IRAG2: variants seen among roughly 807,000 people sequenced by gnomAD.
IRAG2 encodes the protein inositol 1,4,5-triphosphate receptor associated 2, also known as lymphoid restricted membrane protein.
In IRAG2, 45 loss-of-function variants were observed where a neutral mutation model predicts 69.9. The ratio of observed to expected loss-of-function variants is 0.64; its 90% confidence interval spans 0.51 to 0.83. The LOEUF is 0.83. Among genes scored for constraint, IRAG2 ranks in the 40% least tolerant of loss-of-function variants. The probability of loss-of-function intolerance (pLI) is 0.00; values close to 1 mark genes in which losing one functional copy is unlikely to be tolerated. For missense variants in IRAG2, 520 were observed against 587.0 expected (o/e 0.89, Z 1.18); for synonymous variants, 193 against 202.4 (o/e 0.95, Z 0.40).
In IRAG2 at chr12:25,014,995, C is replaced by T. The variant is rs187015534; in HGVS notation, c.897-187C>T. On this transcript the variant is annotated intron_variant, in intron 3 of 38. Transcript: ENST00000636465. ...ATTTTCTATCACTCTAAGTACCTAG[C>T]ATAGTATTGAGCTCCAAATAGTTGT... is the stretch of plus-strand genomic sequence containing the variant. 2.3e-3 allele frequency among the ~76,000 whole-genome samples: 328 copies of T among 142,966 alleles called. 1 individual carries two copies. Among genetic ancestry groups the T allele is most frequent in the African/African-American group, 7.9e-3 (307 of 39,070 alleles). The allele number at this position is 142,966 out of a possible 152,430, so 93.8% of individuals were successfully genotyped here. A position where few individuals can be genotyped will look rare whatever the true frequency, so the allele number is the denominator to read the frequency against.
intron 4 of IRAG2, among the ~76,000 whole-genome samples, chr12:25,064,351 C>CA (rs1945832088): frequency 6.6e-6 from 1 of 152,136 alleles, no homozygotes; most frequent in Admixed American, 6.5e-5. Context: ...AAGTAAGAAT[C>CA]AAAAGCCTTA....
intron 6 of IRAG2, among the ~76,000 whole-genome samples, chr12:25,020,460 T>G (rs1053906382): frequency 4.6e-5 from 7 of 152,190 alleles, no homozygotes; most frequent in Non-Finnish European, 2.9e-5. Context: ...TTTGTGGAAC[T>G]GCATTAACTA....
intron 6 of IRAG2, among the ~76,000 whole-genome samples, chr12:25,069,827 G>T (rs898650015): frequency 6.6e-6 from 1 of 152,292 alleles, no homozygotes; most frequent in East Asian, 1.9e-4. Flanking sequence ...TGAGGGGCTG[G>T]TACCCTTTGT....
intron 15 of IRAG2, among the ~76,000 whole-genome samples, chr12:25,099,635 T>C (rs2352785): frequency 1.3e-5 from 2 of 152,300 alleles, no homozygotes; most frequent in South Asian, 4.1e-4. Context: ...AATTAGATTG[T>C]GTTACTTTTT....
At chr12:25,031,631 G>A (rs1944668051) in intron 10 of IRAG2, among the ~76,000 whole-genome samples, 1 of 151,968 alleles carries the variant, frequency 6.6e-6, no homozygotes, top group Admixed American at 6.6e-5. Context: ...GTTACATATT[G>A]CTCCCTTTTT....
intron 15 of IRAG2, among the ~76,000 whole-genome samples, chr12:25,100,000 G>GTAAAAAAAAAA (rs1948655279): frequency 3.9e-5 from 1 of 25,680 alleles, no homozygotes; most frequent in Non-Finnish European, 5.7e-5. Flanking sequence ...GACTCCATCT[G>GTAAAAAAAAAA]AAAAAAAAAA....
At chr12:25,030,217 G>T in intron 9 of IRAG2, 1 of 1,059,512 alleles carries the variant, frequency 9.4e-7, no homozygotes, top group South Asian at 4.8e-5. Context: ...ATGATTTTAT[G>T]GCACTGTCCT....
chr12:25,071,878 C>T (rs1227560460), intron 6 of IRAG2, among the ~76,000 whole-genome samples: 4 of 151,076 alleles, frequency 2.6e-5, no homozygotes, highest in South Asian at 4.2e-4. Context: ...TATGTGACTG[C>T]GTGGTTTTGT....
At chr12:25,011,596 C>A (rs935161831) in intron 3 of IRAG2, 94 of 1,135,190 alleles carry the variant, frequency 8.3e-5, no homozygotes, top group Non-Finnish European at 9.9e-5. Flanking sequence ...TCTATTTTAA[C>A]AACTGATTAT....
intron 14 of IRAG2, among the ~76,000 whole-genome samples, chr12:25,094,687 T>A (rs950415956): frequency 2.0e-5 from 3 of 151,644 alleles, no homozygotes; most frequent in Non-Finnish European, 2.9e-5. Context: ...CAAAATCAGG[T>A]CTACCAACCC....
rs1240222939 is a variant in IRAG2, at chr12:25,089,670, A to T, written c.430A>T (p.Ser144Cys). Residue 144 changes from serine (S) to cysteine (C), a missense_variant, in exon 12 of 22, where the codon AGT (serine) becomes TGT (cysteine). Transcript: ENST00000556887. Reference protein sequence around the residue: ...TTVKSVNLRQSENTSANEKEV... With the variant: ...TTVKSVNLRQCENTSANEKEV... The stretch of plus-strand genomic sequence containing the variant: ...TGTGAAATCGGTTAACCTTAGACAA[A>T]GTGAGAAGTAAGTGCTTCTTCATGT... 1.2e-6 allele frequency: 2 copies of T among 1,607,320 alleles called. No homozygotes were observed. The highest frequency in any genetic ancestry group is 2.2e-5 in the South Asian group (2 of 90,886).
chr12:25,089,527 T>C, intron 11 of IRAG2, 87 bp from the exon 12 acceptor site: 1 of 713,984 alleles, frequency 1.4e-6, no homozygotes, highest in Non-Finnish European at 2.3e-6. Flanking sequence ...GAAATACTTT[T>C]GTTTAGTGGA....
chr12:25,052,253 CATTAA>C, upstream of IRAG2: 1 of 377,422 alleles, frequency 2.6e-6, no homozygotes, highest in Non-Finnish European at 4.6e-6. Flanking sequence ...AACTAGAAGC[CATTAA>C]ACAACTACAG....
At chr12:25,022,753 T>G (rs1283662464) in intron 7 of IRAG2, among the ~76,000 whole-genome samples, 1 of 152,246 alleles carries the variant, frequency 6.6e-6, no homozygotes, top group Non-Finnish European at 1.5e-5. Flanking sequence ...TTAACCATTC[T>G]ATGGTATATA....
At chr12:25,057,956 C>G (rs1348515802) in intron 1 of IRAG2, among the ~76,000 whole-genome samples, 1 of 152,032 alleles carries the variant, frequency 6.6e-6, no homozygotes, top group East Asian at 1.9e-4. Context: ...GTTGTATTTC[C>G]TTGTATGAAT....
intron 4 of IRAG2, among the ~76,000 whole-genome samples, chr12:25,065,099 AAAG>A (rs1047981216): frequency 3.3e-5 from 5 of 151,920 alleles, no homozygotes; most frequent in Non-Finnish European, 5.9e-5. Flanking sequence ...CAAAAAAAAA[AAAG>A]AGAGAGAGAA....
Position 25,069,598 on chromosome 12 carries a change from C to T in IRAG2, c.24+167C>T, listed in dbSNP as rs188615861. 5.9e-3 allele frequency among the ~76,000 whole-genome samples: 895 copies of T among 152,250 alleles called. 6 individuals are homozygous for T. Among genetic ancestry groups the T allele is most frequent in the Non-Finnish European group, 0.01 (687 of 68,018 alleles). ...AACTCAGATGCATGAGAAATAGCAACCTTTGAAGTCAAGAAATTAAAATTA... is the reference window on the plus strand; with the variant it reads ...AACTCAGATGCATGAGAAATAGCAATCTTTGAAGTCAAGAAATTAAAATTA... On this transcript the variant is annotated intron_variant, in intron 6 of 21. Coordinates refer to ENST00000556887, the MANE Select transcript of IRAG2 (RefSeq NM_001366544.2).
intron 10 of IRAG2, 94 bp downstream of exon 10, chr12:25,083,587 T>G: frequency 1.4e-6 from 1 of 725,130 alleles, no homozygotes; most frequent in Admixed American, 2.9e-5. Context: ...ATTATCTCAT[T>G]TATCCTTTCA....
chr12:25,045,891 T>C (rs1044301776), intron 16 of IRAG2, among the ~76,000 whole-genome samples: 3 of 147,918 alleles, frequency 2.0e-5, no homozygotes, highest in African/African-American at 4.9e-5. Context: ...AAGGTACACT[T>C]ACAAATTCAT....
Sources: allele counts gnomAD v4.1 joint callset (sites outside exome capture counted in the v4.1 genomes callset), GRCh38; gene constraint gnomAD v4.1.1; transcripts MANE v1.5; gene names NCBI Gene and HGNC (gene_info 2026-07-23, HGNC 2026-07-21).